The following ZNF599 variants were observed in gnomAD, a reference collection of about 807,000 sequenced individuals.
ZNF599 encodes zinc finger protein 599.
Under a neutral mutation model 11.7 loss-of-function variants are expected in ZNF599, and 10 were observed. That is an observed-to-expected ratio of 0.86 (90% CI 0.53 to 1.45). The LOEUF (loss-of-function observed/expected upper bound fraction) is 1.45. ZNF599 is among the 40% of genes most tolerant of loss of function. The pLI is 0.00. For missense variants in ZNF599, 688 were observed against 713.6 expected, an observed-to-expected ratio of 0.96 and a Z score of 0.41; for synonymous variants, 232 against 253.2, an observed-to-expected ratio of 0.92 and a Z score of 0.79.
chr19:34,762,143 G>C (rs1251332434), intron 3 of ZNF599, among the ~76,000 whole-genome samples: 1 of 152,104 alleles, frequency 6.6e-6, no homozygotes, highest in African/African-American at 2.4e-5. Flanking sequence ...AATAAACTCA[G>C]AATTATGGTT....
chr19:34,799,590 G>A, the ZNF599 span, among the ~76,000 whole-genome samples: 1 of 152,180 alleles, frequency 6.6e-6, no homozygotes, highest in African/African-American at 2.4e-5. Context: ...ACCCCAGTGT[G>A]ACTATATTTG....
Position 34,760,177 on chromosome 19 carries a change from A to G in ZNF599, c.624T>C (p.Phe208=), listed in dbSNP as rs375544091. 2 of 1,614,056 alleles carry G rather than the reference A, an allele frequency of 1.2e-6. No homozygotes were observed. Among genetic ancestry groups the G allele is most frequent in the African/African-American group, 2.7e-5 (2 of 74,910 alleles). The change falls in exon 4 of 4, where the codon TTT becomes TTC. Residue 208 remains phenylalanine (F), a synonymous_variant. Coordinates refer to ENST00000329285, the MANE Select transcript of ZNF599 (RefSeq NM_001007248.3). ...PYTCTECGKG[F]SKKWALVRHQ... ...GCCGAACAAGGGCCCACTTCTTGCTAAACCCTTTCCCACATTCCGTGCATG... is the reference window on the plus strand; with the variant it reads ...GCCGAACAAGGGCCCACTTCTTGCTGAACCCTTTCCCACATTCCGTGCATG...
the ZNF599 span, among the ~76,000 whole-genome samples, chr19:34,807,195 C>T: frequency 2.6e-5 from 4 of 152,194 alleles, no homozygotes; most frequent in African/African-American, 9.7e-5. Context: ...ATGAGCTCTC[C>T]CGCTTCCCCC....
the ZNF599 span, among the ~76,000 whole-genome samples, chr19:34,796,111 A>G: frequency 6.6e-6 from 1 of 152,134 alleles, no homozygotes; most frequent in Non-Finnish European, 1.5e-5. Flanking sequence ...GTGAGCCACC[A>G]CACCTGGCAA....
At chr19:34,799,309 T>C in the ZNF599 span, among the ~76,000 whole-genome samples, 2 of 152,194 alleles carry the variant, frequency 1.3e-5, no homozygotes, top group African/African-American at 4.8e-5. Flanking sequence ...AGCCTCATAC[T>C]ATACATAGCA....
the ZNF599 span, among the ~76,000 whole-genome samples, chr19:34,789,746 A>G: frequency 6.6e-5 from 10 of 152,138 alleles, no homozygotes; most frequent in Non-Finnish European, 1.3e-4. Context: ...TATTTTGGAT[A>G]TTAACTCCTT....
At chr19:34,804,603 C>T in the ZNF599 span, among the ~76,000 whole-genome samples, 3 of 152,234 alleles carry the variant, frequency 2.0e-5, no homozygotes, top group Non-Finnish European at 2.9e-5. Flanking sequence ...GAGTTCCAGA[C>T]CTTTGTGTCT....
At chr19:34,803,591 C>A in the ZNF599 span, among the ~76,000 whole-genome samples, 1 of 152,270 alleles carries the variant, frequency 6.6e-6, no homozygotes, top group Admixed American at 6.5e-5. Context: ...GATCCAAAAC[C>A]CAGAGGATGT....
upstream of ZNF599, among the ~76,000 whole-genome samples, chr19:34,778,151 G>A (rs2069230591): frequency 6.6e-6 from 1 of 151,938 alleles, no homozygotes; most frequent in Non-Finnish European, 1.5e-5. Flanking sequence ...CAATAGAGCT[G>A]TTAAAAAATC....
chr19:34,789,065 T>C, the ZNF599 span, among the ~76,000 whole-genome samples: 1 of 152,232 alleles, frequency 6.6e-6, no homozygotes, highest in Non-Finnish European at 1.5e-5. Context: ...TGAAATTTTG[T>C]ATCCTTTGAG....
rs753040867 is a variant in ZNF599, at chr19:34,759,228, G to A, written c.1573C>T (p.His525Tyr). The change falls in exon 4 of 4, where the codon CAT (histidine) becomes TAT (tyrosine). Residue 525 changes from histidine (H) to tyrosine (Y), a missense_variant. Transcript: ENST00000329285. ...TTTTCTCCAGTGTGGATCCTATTATGCCGAACAAAATTTGCAGGTTGGGTA... is the reference window on the plus strand; with the variant it reads ...TTTTCTCCAGTGTGGATCCTATTATACCGAACAAAATTTGCAGGTTGGGTA... ...AFTQPANFVR[H>Y]NRIHTGEKPF... 18 of 1,613,990 alleles carry A rather than the reference G, an allele frequency of 1.1e-5. No homozygotes were observed. The highest frequency in any genetic ancestry group is 6.8e-6 in the Non-Finnish European group (8 of 1,180,026).
At chr19:34,805,341 G>T in the ZNF599 span, among the ~76,000 whole-genome samples, 9 of 152,094 alleles carry the variant, frequency 5.9e-5, no homozygotes, top group East Asian at 5.8e-4. Flanking sequence ...GGGACTACAG[G>T]CACGTGCCAC....
chr19:34,759,632 G>C lies in ZNF599; in HGVS notation c.1169C>G (p.Thr390Ser), dbSNP rs773506101. The C allele has an allele frequency of 6.2e-7, 1 of 1,614,248 alleles. No homozygotes were observed. Among genetic ancestry groups the C allele is most frequent in the South Asian group, 1.1e-5 (1 of 91,082 alleles). ...SSFTQHMRIH[T>S]GEKPYECGEC... The stretch of plus-strand genomic sequence containing the variant: ...ACCGCACTCATAGGGTTTCTCTCCA[G>C]TGTGAATCCTCATGTGCTGAGTGAA... The change falls in exon 4 of 4, where the codon ACT (threonine) becomes AGT (serine). Residue 390 changes from threonine (T) to serine (S), a missense_variant. Physicochemically the swap from Thr to Ser is moderately conservative, Grantham distance 58. Coordinates refer to ENST00000329285, the MANE Select transcript of ZNF599 (RefSeq NM_001007248.3).
At position 34,758,868 on chromosome 19, in the gene ZNF599, G is replaced by T. The variant is rs1287437120; in HGVS notation, c.*166C>A. 4.5e-6 allele frequency: 3 copies of T among 671,150 alleles called. No homozygotes were observed. In the African/African-American group the frequency reaches 5.4e-5, roughly 12 times the overall value. The allele number at this position is 671,150 out of a possible 1,614,324, so 41.6% of individuals were successfully genotyped here. Reference sequence around the variant, plus strand: ...GACAAGTGATTACCTGCCATAAAAAGATTTCACAGGGACAATTCTGTTTCT... The same window carrying T: ...GACAAGTGATTACCTGCCATAAAAATATTTCACAGGGACAATTCTGTTTCT... On this transcript the variant is annotated 3_prime_UTR_variant, in exon 4 of 4. Transcript: ENST00000329285.
At chr19:34,799,120 A>C in the ZNF599 span, among the ~76,000 whole-genome samples, 1 of 152,020 alleles carries the variant, frequency 6.6e-6, no homozygotes, top group East Asian at 1.9e-4. Flanking sequence ...CTCTGACCTC[A>C]ACCTCCGGAG....
intron 1 of ZNF599, 190 bp downstream of exon 1, chr19:34,772,632 CCT>C: frequency 7.2e-7 from 1 of 1,386,000 alleles, no homozygotes; most frequent in South Asian, 1.6e-5. Flanking sequence ...CCTTACAACT[CCT>C]GTCCTGGATT....
chr19:34,778,116 A>T (rs547924377), upstream of ZNF599, among the ~76,000 whole-genome samples: 1 of 152,142 alleles, frequency 6.6e-6, no homozygotes, highest in Non-Finnish European at 1.5e-5. Flanking sequence ...AAATATGTGC[A>T]GGTTTTTTTA....
At chr19:34,773,711 G>C (rs1014653016), upstream of ZNF599, among the ~76,000 whole-genome samples, 65 of 152,130 alleles carry the variant, frequency 4.3e-4, no homozygotes, top group African/African-American at 1.5e-3. Context: ...TGGGGGGTGG[G>C]ACCCAGCCCT....
At chr19:34,799,841 A>C in the ZNF599 span, among the ~76,000 whole-genome samples, 4 of 152,250 alleles carry the variant, frequency 2.6e-5, no homozygotes, top group African/African-American at 7.2e-5. Flanking sequence ...GCTGTTATCT[A>C]CTGAACTGGG....
Sources: allele counts gnomAD v4.1 joint callset (sites outside exome capture counted in the v4.1 genomes callset), GRCh38; gene constraint gnomAD v4.1.1; transcripts MANE v1.5; gene names NCBI Gene and HGNC (gene_info 2026-07-23, HGNC 2026-07-21).